The following POLN variants were observed in gnomAD, a reference collection of about 807,000 sequenced individuals.
POLN encodes the protein DNA polymerase N.
POLN carries 108 observed loss-of-function variants against 113.5 expected under a neutral mutation model. The ratio of observed to expected loss-of-function variants is 0.95; its 90% confidence interval spans 0.81 to 1.12. The LOEUF (loss-of-function observed/expected upper bound fraction) is 1.12. Among genes scored for constraint, POLN ranks in the 50% most tolerant of loss-of-function variants. POLN has a pLI of 0.00. For missense variants in POLN, 1,097 were observed against 1,077.1 expected, an observed-to-expected ratio of 1.02 and a Z score of -0.26; for synonymous variants, 386 against 391.5, an observed-to-expected ratio of 0.99 and a Z score of 0.17.
chr4:2,101,216 G>C (rs1228803376), intron 19 of POLN, among the ~76,000 whole-genome samples: 1 of 151,930 alleles, frequency 6.6e-6, no homozygotes, highest in African/African-American at 2.4e-5. Flanking sequence ...ATAAATAGGA[G>C]TGTGTTGAAA....
chr4:2,222,335 G>A (rs1734278261), intron 3 of POLN, among the ~76,000 whole-genome samples: 1 of 151,846 alleles, frequency 6.6e-6, no homozygotes, highest in Admixed American at 6.6e-5. Context: ...AGATGCCCAG[G>A]AATTCGAGAC....
chr4:2,115,970 C>G (rs1731307840), intron 19 of POLN, among the ~76,000 whole-genome samples: 1 of 152,198 alleles, frequency 6.6e-6, no homozygotes, highest in South Asian at 2.1e-4. Context: ...GACCAGCTGC[C>G]AGCTTTTCGG....
At chr4:2,206,324 A>G (rs1733840924) in intron 5 of POLN, among the ~76,000 whole-genome samples, 1 of 152,264 alleles carries the variant, frequency 6.6e-6, no homozygotes, top group Non-Finnish European at 1.5e-5. Context: ...AAACCCTTCC[A>G]GAAATTGGCT....
intron 4 of POLN, 30 bp downstream of exon 4, chr4:2,213,017 T>C: frequency 1.3e-6 from 2 of 1,497,506 alleles, no homozygotes; most frequent in Non-Finnish European, 1.8e-6. Flanking sequence ...AGTTATCTAT[T>C]TAAAATTACT....
At chr4:2,179,037 G>A (rs1031569321) in intron 8 of POLN, among the ~76,000 whole-genome samples, 5 of 152,162 alleles carry the variant, frequency 3.3e-5, no homozygotes, top group African/African-American at 1.2e-4. Context: ...TCTGTTCATG[G>A]AGCAGGTGAC....
intron 24 of POLN, among the ~76,000 whole-genome samples, chr4:2,073,950 C>A (rs1475887193): frequency 2.0e-5 from 3 of 152,204 alleles, no homozygotes; most frequent in African/African-American, 7.2e-5. Flanking sequence ...GCACACGGCC[C>A]ATGTGCATGG....
At chr4:2,241,464 C>A (rs1272788982) in intron 2 of POLN, 56 bp downstream of exon 2, 4 of 981,558 alleles carry the variant, frequency 4.1e-6, no homozygotes, top group Non-Finnish European at 4.8e-6. Context: ...GCCCTCCGTA[C>A]GTAAGAAGAC....
intron 3 of POLN, among the ~76,000 whole-genome samples, chr4:2,220,291 G>A (rs139226360): frequency 6.6e-6 from 1 of 152,262 alleles, no homozygotes; most frequent in East Asian, 1.9e-4. Flanking sequence ...CTTAACCAGT[G>A]TACTAGACAC....
intron 13 of POLN, among the ~76,000 whole-genome samples, chr4:2,165,932 A>G (rs1255438444): frequency 6.6e-6 from 1 of 152,032 alleles, no homozygotes; most frequent in African/African-American, 2.4e-5. Context: ...GTGCACCACC[A>G]TACCTGGCTA....
At chr4:2,080,698 C>T (rs1161191539) in intron 23 of POLN, 2 of 1,372,998 alleles carry the variant, frequency 1.5e-6, no homozygotes, top group East Asian at 2.9e-5. Context: ...GTGCAGACAC[C>T]CCGAGGAGGA....
intron 19 of POLN, among the ~76,000 whole-genome samples, chr4:2,109,491 T>A (rs745828744): frequency 2.6e-5 from 4 of 152,240 alleles, no homozygotes; most frequent in African/African-American, 9.6e-5. Context: ...GAATGAATGA[T>A]TGAATGAAAT....
chr4:2,088,930 A>G, intron 20 of POLN: 3 of 1,098,950 alleles, frequency 2.7e-6, no homozygotes, highest in Non-Finnish European at 4.0e-6. Flanking sequence ...CAAAAGCTGA[A>G]GGTCTAGCAG....
intron 3 of POLN, among the ~76,000 whole-genome samples, chr4:2,221,432 A>G (rs1734250348): frequency 6.6e-6 from 1 of 152,208 alleles, no homozygotes; most frequent in Non-Finnish European, 1.5e-5. Context: ...GTCAAATTCT[A>G]TGCCTCTGAG....
In POLN at chr4:2,218,752, T is replaced by C. The variant is rs570639909; in HGVS notation, c.134-5626A>G. On this transcript the variant is annotated intron_variant, in intron 3 of 25. Coordinates refer to ENST00000511885, the MANE Select transcript of POLN (RefSeq NM_181808.4). ...AAGAATGTGTTCACCAAATCAATAA[T>C]TGCATTTCATATACCTGAGGCCTTG... Among the ~76,000 whole-genome samples, 306 of 152,326 alleles carry C rather than the reference T, an allele frequency of 2.0e-3. 2 individuals carry two copies. The highest frequency in any genetic ancestry group is 6.8e-3 in the Middle Eastern group (2 of 294).
chr4:2,080,387 A>T (rs2108688920), intron 23 of POLN: 2 of 1,028,778 alleles, frequency 1.9e-6, no homozygotes. Context: ...ACCAAGGCAC[A>T]TCTGCATGTT....
At chr4:2,228,246 A>T (rs1358889623) in intron 3 of POLN, 1 of 147,780 alleles carries the variant, frequency 6.8e-6, no homozygotes, top group Non-Finnish European at 1.5e-5. Flanking sequence ...GCTAGTAGCA[A>T]AAAAAAAAAA....
intron 25 of POLN, among the ~76,000 whole-genome samples, chr4:2,072,632 C>T (rs1730176630): frequency 6.6e-6 from 1 of 152,196 alleles, no homozygotes; most frequent in Non-Finnish European, 1.5e-5. Context: ...CCTGTGCTTG[C>T]CCCTCAGGGT....
intron 23 of POLN, 66 bp downstream of exon 23, chr4:2,080,892 C>T (rs1273269194): frequency 1.6e-5 from 25 of 1,610,780 alleles, no homozygotes; most frequent in African/African-American, 2.7e-5. Flanking sequence ...TCACGAGCCC[C>T]GAGGGGGTCT....
intron 19 of POLN, among the ~76,000 whole-genome samples, chr4:2,121,112 T>C (rs1688528052): frequency 6.6e-6 from 1 of 152,092 alleles, no homozygotes; most frequent in Non-Finnish European, 1.5e-5. Flanking sequence ...TTCCTGATCT[T>C]AGGGGGAAGG....
Sources: allele counts gnomAD v4.1 joint callset (sites outside exome capture counted in the v4.1 genomes callset), GRCh38; gene constraint gnomAD v4.1.1; transcripts MANE v1.5; gene names NCBI Gene and HGNC (gene_info 2026-07-23, HGNC 2026-07-21).